NOCT: variants seen among roughly 807,000 people sequenced by gnomAD.
NOCT encodes CCR4 carbon catabolite repression 4-like.
NOCT carries 18 observed loss-of-function variants against 35.0 expected under a neutral mutation model. The observed-to-expected ratio is 0.51, with a 90% CI of 0.36 to 0.76. NOCT has a LOEUF of 0.76. Among genes scored for constraint, NOCT ranks in the 30% least tolerant of loss-of-function variants. The pLI, the probability that NOCT is intolerant of heterozygous loss-of-function variation, is 0.01. For synonymous variants in NOCT, 235 were observed against 226.3 expected (o/e 1.04, Z -0.34); for missense variants, 479 against 541.0 (o/e 0.89, Z 1.14).
intron 1 of NOCT, among the ~76,000 whole-genome samples, chr4:139,036,104 T>C (rs1726733314): frequency 6.6e-6 from 1 of 152,132 alleles, no homozygotes; most frequent in Non-Finnish European, 1.5e-5. Context: ...CACACACATA[T>C]ATATGTTTGT....
At chr4:139,016,587 A>G (rs1726308296) in intron 1 of NOCT, among the ~76,000 whole-genome samples, 1 of 146,530 alleles carries the variant, frequency 6.8e-6, no homozygotes, top group Non-Finnish European at 1.5e-5. Flanking sequence ...CATGGTCTAG[A>G]TATTAAGTTT....
intron 1 of NOCT, among the ~76,000 whole-genome samples, chr4:139,039,580 CTTTTA>C (rs1052356809): frequency 3.3e-5 from 5 of 151,132 alleles, no homozygotes; most frequent in Admixed American, 6.6e-5. Context: ...CACTTTCTCC[CTTTTA>C]TTTTTTTTTA....
Position 139,045,652 on chromosome 4 carries a change from G to T in NOCT, c.*178G>T, listed in dbSNP as rs564396604. ...CTGCCTCAGCCTCCAGAGCAACTGG[G>T]ACAACAGGCGCCCGTCACCACGCCC... On this transcript the variant is annotated 3_prime_UTR_variant, in exon 3 of 3. Coordinates refer to ENST00000280614, the MANE Select transcript of NOCT (RefSeq NM_012118.4). 4.1e-6 allele frequency: 2 copies of T among 486,040 alleles called. No homozygotes were observed. The highest frequency in any genetic ancestry group is 2.0e-5 in the African/African-American group (1 of 50,562). The allele number at this position is 486,040 out of a possible 1,614,324, so 30.1% of individuals were successfully genotyped here. A position where few individuals can be genotyped will look rare whatever the true frequency, so the allele number is the denominator to read the frequency against.
In NOCT at chr4:139,043,283, A is replaced by G. The variant is rs142004535; in HGVS notation, c.400A>G (p.Thr134Ala). ...RFQRDFVDLR[T>A]DCPSTHPPIR... ...CCAGAGGGATTTTGTGGATCTGAGGACAGATTGCCCTAGTACCCACCCACC... is the reference window on the plus strand; with the variant it reads ...CCAGAGGGATTTTGTGGATCTGAGGGCAGATTGCCCTAGTACCCACCCACC... The change falls in exon 2 of 3, where the codon ACA (threonine) becomes GCA (alanine). Residue 134 changes from threonine to alanine, a missense_variant. By Grantham distance (58) the Thr-to-Ala change is moderately conservative (BLOSUM62 0). Coordinates refer to ENST00000280614, the MANE Select transcript of NOCT (RefSeq NM_012118.4). The G allele has an allele frequency of 2.4e-3, 3,794 of 1,614,178 alleles. 7 individuals carry two copies. Among genetic ancestry groups the G allele is most frequent in the Non-Finnish European group, 2.9e-3 (3,379 of 1,180,012 alleles).
At chr4:139,024,582 T>C (rs778687501) in intron 1 of NOCT, among the ~76,000 whole-genome samples, 21 of 152,206 alleles carry the variant, frequency 1.4e-4, no homozygotes, top group Non-Finnish European at 2.8e-4. Context: ...GAGTTTTGCA[T>C]GTTGTTTTAT....
chr4:139,043,615 G>A (rs939919220), intron 2 of NOCT: 1 of 324,920 alleles, frequency 3.1e-6, no homozygotes, highest in Admixed American at 4.5e-5. Flanking sequence ...CGAGTTACTT[G>A]CTTTAATTGT....
intron 2 of NOCT, 143 bp downstream of exon 2, chr4:139,043,486 G>T: frequency 1.3e-6 from 1 of 750,388 alleles, no homozygotes; most frequent in Non-Finnish European, 2.2e-6. Context: ...AGAGCTCCTA[G>T]AAGAGGTTAA....
intron 1 of NOCT, among the ~76,000 whole-genome samples, chr4:139,029,885 T>G (rs940758317): frequency 6.6e-5 from 10 of 152,284 alleles, no homozygotes; most frequent in African/African-American, 2.4e-4. Flanking sequence ...TCACAAAAAT[T>G]TAGAAAGAGT....
chr4:139,028,835 TTTTTGTTTTG>T lies in NOCT; in HGVS notation c.190+12680_190+12689del, dbSNP rs377273006. Among the ~76,000 whole-genome samples, 478 of 152,274 alleles carry T rather than the reference TTTTTGTTTTG, an allele frequency of 3.1e-3. 3 individuals are homozygous for T. The highest frequency in any genetic ancestry group is 0.011 in the African/African-American group (448 of 41,546). On this transcript the variant is annotated intron_variant, in intron 1 of 2. Transcript: ENST00000280614. ...CTCGAATGTTAATAATAGCCTTCTC[TTTTTGTTTTG>T]TTTTGTTTTGTTTTGAGACTGAGTC...
rs1578621492 is a variant in NOCT at position 139,016,032 on chromosome 4, G to T, written c.51G>T (p.Ala17=). 2.9e-6 allele frequency: 4 copies of T among 1,393,030 alleles called. No homozygotes were observed. The East Asian group carries it at 1.3e-4, about 44-fold the overall frequency. 86.3% of individuals were successfully genotyped at this position (1,393,030 alleles called of 1,614,324 possible). Residue 17 remains alanine, a synonymous_variant, in exon 1 of 3, where the codon GCG becomes GCT. Coordinates refer to ENST00000280614, the MANE Select transcript of NOCT (RefSeq NM_012118.4). ...RLCSALLQRD[A]PGLRRLPAPG... ...GCTCGGCCCTGCTGCAGAGGGACGCGCCCGGCCTGCGCCGCCTGCCCGCCC... is the reference window on the plus strand; with the variant it reads ...GCTCGGCCCTGCTGCAGAGGGACGCTCCCGGCCTGCGCCGCCTGCCCGCCC...
At chr4:139,039,463 AT>A (rs59519379) in intron 1 of NOCT, among the ~76,000 whole-genome samples, 2,036 of 149,600 alleles carry the variant, frequency 0.014, 39 homozygotes, top group African/African-American at 0.047. Context: ...CTTTTTAAGT[AT>A]TTTTTTTTAA....
chr4:139,044,562 A>T lies in NOCT; in HGVS notation c.461-77A>T. On this transcript the variant is annotated intron_variant, in intron 2 of 2. Coordinates refer to ENST00000280614, the MANE Select transcript of NOCT (RefSeq NM_012118.4). ...CAGAGGAAGCATTCTGAGGGTCTTGAGTGATGCCAAACCTCCTGGGTACTT... is the reference window on the plus strand; with the variant it reads ...CAGAGGAAGCATTCTGAGGGTCTTGTGTGATGCCAAACCTCCTGGGTACTT... 2.3e-6 allele frequency: 2 copies of T among 861,470 alleles called. 1 individual carries two copies. Among genetic ancestry groups the T allele is most frequent in the South Asian group, 3.2e-5 (2 of 62,040 alleles). 53.4% of individuals were successfully genotyped at this position (861,470 alleles called of 1,614,324 possible).
intron 1 of NOCT, among the ~76,000 whole-genome samples, chr4:139,027,826 A>G (rs1481244089): frequency 6.6e-6 from 1 of 152,174 alleles, no homozygotes; most frequent in Non-Finnish European, 1.5e-5. Flanking sequence ...TTTGAATTTC[A>G]TATCATTTTC....
chr4:139,026,862 C>T (rs936454330), intron 1 of NOCT, among the ~76,000 whole-genome samples: 118 of 120,260 alleles, frequency 9.8e-4, no homozygotes, highest in African/African-American at 1.6e-3. Context: ...TTTTTTTTTT[C>T]TTTTTTTTTT....
chr4:139,035,546 C>G (rs1056270848), intron 1 of NOCT, among the ~76,000 whole-genome samples: 5 of 152,206 alleles, frequency 3.3e-5, no homozygotes, highest in Non-Finnish European at 7.3e-5. Context: ...CTGCTGCCCC[C>G]CAGTTCACCC....
chr4:139,045,010 C>G lies in NOCT; in HGVS notation c.832C>G (p.Arg278Gly). 1 of 1,614,180 alleles carries G rather than the reference C, an allele frequency of 6.2e-7. No homozygotes were observed. Among genetic ancestry groups the G allele is most frequent in the Non-Finnish European group, 8.5e-7 (1 of 1,180,026 alleles). ...GACCCTGGAGTGCAAGGAGTCAGGC[C>G]GACAGTTCTGCATCGCTGTTACCCA... ...AQTLECKESGRQFCIAVTHLK... is the reference protein window; with the variant it reads ...AQTLECKESGGQFCIAVTHLK... Residue 278 changes from arginine to glycine, a missense_variant, in exon 3 of 3, where the codon CGA becomes GGA. This residue lies in a region of NOCT where 214 missense variants were observed against 284.0 expected (regional missense o/e 0.75). Coordinates refer to ENST00000280614, the MANE Select transcript of NOCT (RefSeq NM_012118.4).
chr4:139,016,326 C>T (rs535657041), intron 1 of NOCT, among the ~76,000 whole-genome samples, 155 bp downstream of exon 1: 144 of 152,242 alleles, frequency 9.5e-4, no homozygotes, highest in African/African-American at 3.2e-3. Flanking sequence ...TCTGCGTTCC[C>T]TTTTTCCTCT....
At chr4:139,032,022 T>A (rs1726637340) in intron 1 of NOCT, among the ~76,000 whole-genome samples, 1 of 152,166 alleles carries the variant, frequency 6.6e-6, no homozygotes, top group South Asian at 2.1e-4. Flanking sequence ...CTCCCACTTG[T>A]GGTTTTTAGG....
At chr4:139,033,051 C>G (rs562437353) in intron 1 of NOCT, among the ~76,000 whole-genome samples, 1 of 149,858 alleles carries the variant, frequency 6.7e-6, no homozygotes, top group Non-Finnish European at 1.5e-5. Flanking sequence ...AGGAACAGAG[C>G]GAGACTCCAT....
Sources: allele counts gnomAD v4.1 joint callset (sites outside exome capture counted in the v4.1 genomes callset), GRCh38; gene constraint gnomAD v4.1.1; regional missense constraint gnomAD v4.1.1; transcripts MANE v1.5; gene names NCBI Gene and HGNC (gene_info 2026-07-23, HGNC 2026-07-21).